CALN1: variants seen among roughly 807,000 people sequenced by gnomAD.
CALN1 encodes calcium-binding protein 8.
A neutral mutation model predicts 30.6 loss-of-function variants in CALN1; 17 were observed. That is an observed-to-expected ratio of 0.56 (90% confidence interval 0.38 to 0.83). The LOEUF (loss-of-function observed/expected upper bound fraction) is 0.83, where lower values mean the gene tolerates loss of function less well. Among genes scored for constraint, CALN1 ranks in the 40% least tolerant of loss-of-function variants. The pLI is 0.00. For synonymous variants in CALN1, 156 were observed against 131.4 expected (o/e 1.19, Z -1.28); for missense variants, 291 against 354.9 (o/e 0.82, Z 1.45).
intron 2 of CALN1, among the ~76,000 whole-genome samples, chr7:72,334,366 G>A (rs1340816077): frequency 6.6e-6 from 1 of 152,160 alleles, no homozygotes; most frequent in East Asian, 1.9e-4. Context: ...ATCCCACCCT[G>A]GCTGGTGACC....
intron 2 of CALN1, among the ~76,000 whole-genome samples, chr7:72,388,730 AT>A (rs1420878901): frequency 6.6e-6 from 1 of 152,220 alleles, no homozygotes; most frequent in Non-Finnish European, 1.5e-5. Flanking sequence ...TGGCTTAAGC[AT>A]CCTGCTTGCT....
At chr7:71,789,599 C>G (rs1327018277) in intron 6 of CALN1, among the ~76,000 whole-genome samples, 1 of 152,116 alleles carries the variant, frequency 6.6e-6, no homozygotes, top group East Asian at 1.9e-4. Flanking sequence ...GGGCACCAAA[C>G]TCTCTTAGAC....
In CALN1 at chr7:72,028,058, C is replaced by CAA. The variant is rs34092922; in HGVS notation, c.389-4291_389-4290dup. On this transcript the variant is annotated intron_variant, in intron 4 of 6. Transcript: ENST00000395275. ...TGGGCGACAGAGCGAGACTCCGTCTCAAAAAAAAAAAAAAAAAAAAAAAAA... is the reference window on the plus strand; with the variant it reads ...TGGGCGACAGAGCGAGACTCCGTCTCAAAAAAAAAAAAAAAAAAAAAAAAAAA... 3.2e-3 allele frequency among the ~76,000 whole-genome samples: 262 copies of CAA among 82,834 alleles called. 33 individuals carry two copies. Among genetic ancestry groups the CAA allele is most frequent in the Middle Eastern group, 0.013 (1 of 76 alleles). The allele number at this position is 82,834 out of a possible 152,430, so 54.3% of individuals were successfully genotyped here. A position where few individuals can be genotyped will look rare whatever the true frequency, so the allele number is the denominator to read the frequency against.
the CALN1 span, among the ~76,000 whole-genome samples, chr7:72,487,423 T>C: frequency 1.3e-5 from 2 of 151,858 alleles, no homozygotes; most frequent in East Asian, 1.9e-4. Context: ...CGGTGGCTCA[T>C]GCCTGTAATC....
chr7:72,028,053 C>T lies in CALN1; in HGVS notation c.389-4284G>A, dbSNP rs1468016880. Among the ~76,000 whole-genome samples, 55 of 118,486 alleles carry T rather than the reference C, an allele frequency of 4.6e-4. 1 individual carries two copies. The highest frequency in any genetic ancestry group is 9.1e-4 in the Admixed American group (9 of 9,902). The allele number at this position is 118,486 out of a possible 152,430, so 77.7% of individuals were successfully genotyped here. A position where few individuals can be genotyped will look rare whatever the true frequency, so the allele number is the denominator to read the frequency against. ...CAGCCTGGGCGACAGAGCGAGACTC[C>T]GTCTCAAAAAAAAAAAAAAAAAAAA... is the stretch of plus-strand genomic sequence containing the variant. On this transcript the variant is annotated intron_variant, in intron 4 of 6. Coordinates refer to ENST00000395275, the MANE Select transcript of CALN1 (RefSeq NM_031468.4).
chr7:72,140,305 A>AGAGAG (rs1483015861), intron 3 of CALN1, among the ~76,000 whole-genome samples: 1 of 113,098 alleles, frequency 8.8e-6, no homozygotes, highest in African/African-American at 3.4e-5. Flanking sequence ...AGAGAGAGAG[A>AGAGAG]AGAAAGAGAG....
At chr7:72,281,453 C>T (rs1024257128) in intron 2 of CALN1, among the ~76,000 whole-genome samples, 7 of 152,136 alleles carry the variant, frequency 4.6e-5, no homozygotes, top group Admixed American at 2.6e-4. Flanking sequence ...AGTACCAGTC[C>T]CACACACAGT....
chr7:72,330,932 C>T (rs886466938), intron 2 of CALN1, among the ~76,000 whole-genome samples: 5 of 152,216 alleles, frequency 3.3e-5, no homozygotes, highest in African/African-American at 1.2e-4. Flanking sequence ...CCAACAGTGA[C>T]ACCTTCCCTT....
chr7:71,852,445 T>C (rs1316599377), intron 5 of CALN1, among the ~76,000 whole-genome samples: 2 of 142,224 alleles, frequency 1.4e-5, no homozygotes, highest in Non-Finnish European at 3.0e-5. Context: ...GAGACCAGCC[T>C]GGGCATTATA....
chr7:71,817,887 T>C (rs1788360202), intron 5 of CALN1, among the ~76,000 whole-genome samples: 1 of 152,132 alleles, frequency 6.6e-6, no homozygotes, highest in African/African-American at 2.4e-5. Context: ...TTTTTTTTTT[T>C]TGGACTACTG....
chr7:72,123,632 A>C (rs1223142886), intron 3 of CALN1, among the ~76,000 whole-genome samples: 1 of 152,196 alleles, frequency 6.6e-6, no homozygotes, highest in Admixed American at 6.5e-5. Context: ...GGGGAAGCCC[A>C]GGGAACCGCT....
chr7:72,047,020 G>A (rs1227963383), intron 4 of CALN1, among the ~76,000 whole-genome samples: 2 of 152,094 alleles, frequency 1.3e-5, no homozygotes, highest in African/African-American at 4.8e-5. Context: ...AGCCAAGATT[G>A]TGCTGCTACA....
intron 5 of CALN1, among the ~76,000 whole-genome samples, chr7:71,900,852 C>T (rs1793808397): frequency 6.6e-6 from 1 of 152,190 alleles, no homozygotes; most frequent in Non-Finnish European, 1.5e-5. Flanking sequence ...ATTTAAAATG[C>T]TAATGAGACA....
chr7:72,180,765 G>C (rs1000251301), intron 3 of CALN1, among the ~76,000 whole-genome samples: 1 of 151,344 alleles, frequency 6.6e-6, no homozygotes, highest in African/African-American at 2.4e-5. Flanking sequence ...ACCACGCCGG[G>C]CTTGTTTATG....
chr7:72,189,347 A>G (rs973588550), intron 3 of CALN1, among the ~76,000 whole-genome samples: 3 of 152,202 alleles, frequency 2.0e-5, no homozygotes, highest in African/African-American at 7.2e-5. Context: ...CTACTTTTAC[A>G]GAAAAGAATT....
At chr7:72,450,113 G>A (rs1215264093), upstream of CALN1, among the ~76,000 whole-genome samples, 1 of 151,964 alleles carries the variant, frequency 6.6e-6, no homozygotes, top group East Asian at 1.9e-4. Context: ...GGCTAAGGCA[G>A]GAGGATCACT....
At chr7:71,917,360 G>A (rs1293941170) in intron 5 of CALN1, among the ~76,000 whole-genome samples, 3 of 152,136 alleles carry the variant, frequency 2.0e-5, no homozygotes, top group Non-Finnish European at 4.4e-5. Context: ...ACAGAATGGC[G>A]ATTATTGTTA....
intron 3 of CALN1, among the ~76,000 whole-genome samples, chr7:72,278,321 T>A (rs1472541702): frequency 6.6e-6 from 1 of 152,120 alleles, no homozygotes; most frequent in African/African-American, 2.4e-5. Context: ...GACTCCATTG[T>A]CAGTGACAAC....
chr7:72,304,578 T>A (rs1585421103), intron 2 of CALN1, among the ~76,000 whole-genome samples: 1 of 152,222 alleles, frequency 6.6e-6, no homozygotes, highest in East Asian at 1.9e-4. Flanking sequence ...TTACAATGCT[T>A]GCCTCTGACA....
Sources: allele counts gnomAD v4.1 joint callset (sites outside exome capture counted in the v4.1 genomes callset), GRCh38; gene constraint gnomAD v4.1.1; transcripts MANE v1.5; gene names NCBI Gene and HGNC (gene_info 2026-07-23, HGNC 2026-07-21).